FAM135B: variants seen among roughly 807,000 people sequenced by gnomAD.
The protein encoded by FAM135B is protein FAM135B.
Under a neutral mutation model 127.7 loss-of-function variants are expected in FAM135B, and 43 were observed. The ratio of observed to expected loss-of-function variants is 0.34; its 90% CI spans 0.26 to 0.43. FAM135B has a LOEUF of 0.43. Ranked by LOEUF, FAM135B falls within the 20% of genes least tolerant of loss-of-function variation. The probability of loss-of-function intolerance (pLI) is 1.00; values close to 1 mark genes in which losing one functional copy is unlikely to be tolerated. For missense variants in FAM135B, 1,558 were observed against 1,725.6 expected, an observed-to-expected ratio of 0.90 and a Z score of 1.72; for synonymous variants, 670 against 665.1, an observed-to-expected ratio of 1.01 and a Z score of -0.11.
At position 138,368,011 on chromosome 8, in the gene FAM135B, C is replaced by G. The variant is rs780455754; in HGVS notation, c.-19-9G>C. 6.3e-7 allele frequency: 1 copy of G among 1,597,792 alleles called. No individual in the cohort carries two copies. The highest frequency in any genetic ancestry group is 1.3e-5 in the African/African-American group (1 of 74,650). On this transcript the variant is annotated splice_polypyrimidine_tract_variant and intron_variant, in intron 1 of 19. Coordinates refer to ENST00000395297, the MANE Select transcript of FAM135B (RefSeq NM_015912.4). ...TCTTTTTGGCTCATTACCTGAAAAA[C>G]AAGAGAGAAATTAACAGTTTGAGAT...
intron 1 of FAM135B, among the ~76,000 whole-genome samples, chr8:138,449,880 T>C (rs747248122): frequency 1.6e-4 from 24 of 152,232 alleles, no homozygotes; most frequent in Non-Finnish European, 2.6e-4. Flanking sequence ...CTAGATGTTA[T>C]ATCTTCTATT....
chr8:138,254,151 G>T (rs1363270735), intron 5 of FAM135B, among the ~76,000 whole-genome samples: 1 of 152,180 alleles, frequency 6.6e-6, no homozygotes, highest in Non-Finnish European at 1.5e-5. Flanking sequence ...GACCTATGAG[G>T]TATGTATTCT....
intron 8 of FAM135B, 57 bp downstream of exon 8, chr8:138,197,459 G>A (rs1423783150): frequency 6.3e-7 from 1 of 1,576,410 alleles, no homozygotes; most frequent in South Asian, 1.1e-5. Flanking sequence ...CCCATCCCTT[G>A]TGTGGAGGAG....
chr8:138,193,087 G>A (rs746961087), intron 9 of FAM135B, among the ~76,000 whole-genome samples: 12 of 152,092 alleles, frequency 7.9e-5, no homozygotes, highest in Non-Finnish European at 4.4e-5. Flanking sequence ...CCACCACCAC[G>A]TGACGTATAA....
Position 138,242,514 on chromosome 8 carries a change from T to C in FAM135B, c.669+428A>G, listed in dbSNP as rs935448451. On this transcript the variant is annotated intron_variant, in intron 7 of 19. Coordinates refer to ENST00000395297, the MANE Select transcript of FAM135B (RefSeq NM_015912.4). This position sits in a 1 kb window ranked among gnomAD's most constrained non-coding sequence, Gnocchi z 9.6. ...ACATTTGGGTACATATAACACTCCATGAGATTATTAGCTATTGGGGAGCCC... is the reference window on the plus strand; with the variant it reads ...ACATTTGGGTACATATAACACTCCACGAGATTATTAGCTATTGGGGAGCCC... 6.6e-6 allele frequency among the ~76,000 whole-genome samples: 1 copy of C among 151,866 alleles called. No individual in the cohort carries two copies. The highest frequency in any genetic ancestry group is 3.4e-3 in the Middle Eastern group (1 of 294).
At chr8:138,460,836 A>G (rs921414785) in intron 1 of FAM135B, among the ~76,000 whole-genome samples, 1 of 152,138 alleles carries the variant, frequency 6.6e-6, no homozygotes, top group African/African-American at 2.4e-5. Flanking sequence ...ACAATGTGAC[A>G]ACAAGGCAAT....
intron 1 of FAM135B, among the ~76,000 whole-genome samples, chr8:138,425,113 C>T (rs1439899512): frequency 2.6e-5 from 4 of 152,130 alleles, no homozygotes; most frequent in Admixed American, 6.6e-5. Context: ...TAAGAGCTAC[C>T]ATAATGTGTA....
chr8:138,354,230 C>T (rs1435033997), intron 2 of FAM135B, among the ~76,000 whole-genome samples: 4 of 152,128 alleles, frequency 2.6e-5, no homozygotes, highest in Admixed American at 2.0e-4. Flanking sequence ...TAGATACAAT[C>T]CCAGCTCCAG....
intron 1 of FAM135B, among the ~76,000 whole-genome samples, chr8:138,394,888 G>A (rs1387194069): frequency 2.0e-5 from 3 of 152,186 alleles, no homozygotes; most frequent in African/African-American, 7.2e-5. Flanking sequence ...TAAGGAAGCA[G>A]CAGCTTCAGG....
chr8:138,465,297 C>A (rs1394946877), intron 1 of FAM135B, among the ~76,000 whole-genome samples: 4 of 152,010 alleles, frequency 2.6e-5, no homozygotes, highest in African/African-American at 9.7e-5. Context: ...GAAGTGCCCA[C>A]TCTACACCTG....
At chr8:138,409,283 G>A (rs554878007) in intron 1 of FAM135B, among the ~76,000 whole-genome samples, 1 of 152,240 alleles carries the variant, frequency 6.6e-6, no homozygotes, top group African/African-American at 2.4e-5. Context: ...CCGGTAGGTG[G>A]AGCAGTCAGA....
rs2131136658 is a variant in FAM135B at position 138,197,539 on chromosome 8, G to T, written c.800C>A (p.Pro267Gln). 1 of 1,614,098 alleles carries T rather than the reference G, an allele frequency of 6.2e-7. No individual in the cohort carries two copies. The highest frequency in any genetic ancestry group is 8.5e-7 in the Non-Finnish European group (1 of 1,180,014). The change falls in exon 8 of 20, where the codon CCA becomes CAA. Residue 267 changes from proline to glutamine, a missense_variant. Coordinates refer to ENST00000395297, the MANE Select transcript of FAM135B (RefSeq NM_015912.4). ...ACCCAGCTCCGTGTGTGGCAGCTCT[G>T]GGATGTCCCGCATGATCACCAGGAA... ...LHFLVIMRDI[P>Q]ELPHTELEAL... is the part of the protein sequence containing the mutation.
chr8:138,220,211 CA>C (rs1303080418), intron 7 of FAM135B, among the ~76,000 whole-genome samples: 14 of 152,096 alleles, frequency 9.2e-5, no homozygotes, highest in African/African-American at 3.4e-4. Context: ...CAAAAGGTGA[CA>C]GTATTTCAAG....
intron 11 of FAM135B, among the ~76,000 whole-genome samples, chr8:138,174,903 G>A (rs955004171): frequency 6.6e-5 from 10 of 152,188 alleles, no homozygotes; most frequent in African/African-American, 2.4e-4. Context: ...CAAAATATAA[G>A]CTTAATGAGA....
chr8:138,278,629 T>C (rs948942583), intron 3 of FAM135B, among the ~76,000 whole-genome samples: 3 of 138,152 alleles, frequency 2.2e-5, no homozygotes, highest in Admixed American at 7.8e-5. Context: ...AGTGGCACCA[T>C]CTTGGCTCAC....
At chr8:138,159,025 C>T (rs1201771545) in intron 12 of FAM135B, among the ~76,000 whole-genome samples, 2 of 151,640 alleles carry the variant, frequency 1.3e-5, no homozygotes, top group Non-Finnish European at 1.5e-5. Flanking sequence ...GTAATCCCAG[C>T]ACTTTGGGAG....
chr8:138,180,066 C>G lies in FAM135B; in HGVS notation c.874-1376G>C, dbSNP rs138387613. On this transcript the variant is annotated intron_variant, in intron 9 of 19. Transcript: ENST00000395297. Reference sequence around the variant, plus strand: ...GGGCCTAGAGGCTTTGGGAGAAGACCCTTTGGACAGAAATGCTTTAGATAG... The same window carrying G: ...GGGCCTAGAGGCTTTGGGAGAAGACGCTTTGGACAGAAATGCTTTAGATAG... Among the ~76,000 whole-genome samples, 959 of 152,130 alleles carry G rather than the reference C, an allele frequency of 6.3e-3. 8 individuals are homozygous for G. The highest frequency in any genetic ancestry group is 0.02 in the African/African-American group (844 of 41,510).
In FAM135B at chr8:138,299,015, G is replaced by A. The variant is rs573599044; in HGVS notation, c.157+11826C>T. Among the ~76,000 whole-genome samples, 631 of 151,046 alleles carry A rather than the reference G, an allele frequency of 4.2e-3. 6 individuals are homozygous for A. Among genetic ancestry groups the A allele is most frequent in the African/African-American group, 0.015 (597 of 41,088 alleles). On this transcript the variant is annotated intron_variant, in intron 3 of 19. Transcript: ENST00000395297. Reference sequence around the variant, plus strand: ...GCGGAGGTTGCAATGAGCCGAGATCGCGCCACCGCACTCCAGCCTGGGCGA... The same window carrying A: ...GCGGAGGTTGCAATGAGCCGAGATCACGCCACCGCACTCCAGCCTGGGCGA...
intron 1 of FAM135B, among the ~76,000 whole-genome samples, chr8:138,447,972 G>A (rs1366486497): frequency 6.6e-6 from 1 of 151,800 alleles, no homozygotes; most frequent in African/African-American, 2.4e-5. Context: ...TTTTCTCACA[G>A]GAAGTAGAAG....
Sources: gnomAD v4.1 joint callset for allele counts (sites outside exome capture counted in the v4.1 genomes callset) on GRCh38, gnomAD v4.1.1 for gene constraint, Gnocchi (gnomAD v3.1) non-coding constraint, MANE v1.5 for transcripts, NCBI Gene and HGNC (gene_info 2026-07-23, HGNC 2026-07-21) for gene names.